Variants in CACNA2D3 observed in about 807,000 individuals in gnomAD.
CACNA2D3 encodes the protein voltage-dependent calcium channel subunit alpha-2/delta-3.
In CACNA2D3, 60 loss-of-function variants were observed where a neutral mutation model predicts 160.6. That is an observed-to-expected ratio of 0.37 (90% confidence interval 0.30 to 0.46). The LOEUF is 0.46. CACNA2D3 is among the 20% of genes least tolerant of loss of function. The pLI, the probability that CACNA2D3 is intolerant of heterozygous loss-of-function variation, is 1.00. For missense variants in CACNA2D3, 1,205 were observed against 1,365.0 expected, an observed-to-expected ratio of 0.88 and a Z score of 1.85; for synonymous variants, 558 against 492.9, an observed-to-expected ratio of 1.13 and a Z score of -1.75.
intron 35 of CACNA2D3, among the ~76,000 whole-genome samples, chr3:55,054,015 T>G (rs1381903423): frequency 6.6e-6 from 1 of 151,792 alleles, no homozygotes; most frequent in East Asian, 1.9e-4. Flanking sequence ...TATGATTCCA[T>G]TTTTTTCCTG....
At chr3:54,831,086 T>C (rs1032847344) in intron 14 of CACNA2D3, among the ~76,000 whole-genome samples, 2 of 152,216 alleles carry the variant, frequency 1.3e-5, no homozygotes, top group Admixed American at 1.3e-4. Flanking sequence ...GAGCAAAATA[T>C]AGAAGAAATA....
intron 17 of CACNA2D3, among the ~76,000 whole-genome samples, chr3:54,860,674 G>A (rs575029178): frequency 3.3e-5 from 5 of 152,056 alleles, no homozygotes; most frequent in African/African-American, 4.8e-5. Flanking sequence ...CCCTTCCTGC[G>A]TCCTCAGGAT....
intron 2 of CACNA2D3, among the ~76,000 whole-genome samples, chr3:54,215,259 A>C (rs1156531780): frequency 6.6e-6 from 1 of 152,230 alleles, no homozygotes; most frequent in East Asian, 1.9e-4. Flanking sequence ...GTTTTGATTA[A>C]TCTGTGTCTA....
chr3:54,262,720 G>A (rs552078054), intron 2 of CACNA2D3, among the ~76,000 whole-genome samples: 78 of 152,254 alleles, frequency 5.1e-4, no homozygotes, highest in Non-Finnish European at 9.3e-4. Context: ...GATGGTTCCT[G>A]GCCAAGCGGA....
chr3:54,769,224 G>A (rs1416646782), intron 13 of CACNA2D3, among the ~76,000 whole-genome samples: 1 of 152,072 alleles, frequency 6.6e-6, no homozygotes, highest in Admixed American at 6.6e-5. Context: ...GATCAAGGGG[G>A]AGATGAGCAG....
intron 21 of CACNA2D3, among the ~76,000 whole-genome samples, chr3:54,881,614 C>T (rs924062074): frequency 1.3e-5 from 2 of 152,182 alleles, no homozygotes; most frequent in Non-Finnish European, 2.9e-5. Context: ...GACATTGTTT[C>T]TGAAGGGCAC....
intron 13 of CACNA2D3, among the ~76,000 whole-genome samples, chr3:54,807,450 A>G (rs1357580154): frequency 6.6e-6 from 1 of 152,236 alleles, no homozygotes; most frequent in Non-Finnish European, 1.5e-5. Context: ...AAACACATGA[A>G]AAAATGCTCA....
intron 27 of CACNA2D3, among the ~76,000 whole-genome samples, chr3:54,958,039 C>T (rs940473229): frequency 3.3e-5 from 5 of 152,204 alleles, no homozygotes; most frequent in African/African-American, 4.8e-5. Context: ...TCAACCACCC[C>T]GTGTGTGTTC....
chr3:54,891,315 G>C (rs1013767699), intron 24 of CACNA2D3, 40 bp from the exon 25 acceptor site: 5 of 1,399,636 alleles, frequency 3.6e-6, no homozygotes, highest in South Asian at 2.3e-5. Flanking sequence ...TCTGCTTACT[G>C]TCTAGAGGCC....
intron 5 of CACNA2D3, among the ~76,000 whole-genome samples, chr3:54,548,809 C>G (rs933064237): frequency 1.3e-4 from 20 of 152,332 alleles, no homozygotes; most frequent in Admixed American, 1.1e-3. Flanking sequence ...CTCCTCAAGG[C>G]CGACTTCAAA....
chr3:54,733,608 A>G (rs1701436293), intron 11 of CACNA2D3, among the ~76,000 whole-genome samples: 1 of 152,224 alleles, frequency 6.6e-6, no homozygotes. Flanking sequence ...ATTTACAGAG[A>G]GAAATCAGGT....
chr3:54,631,622 G>C (rs1029548456), intron 10 of CACNA2D3, among the ~76,000 whole-genome samples: 1 of 152,212 alleles, frequency 6.6e-6, no homozygotes, highest in Non-Finnish European at 1.5e-5. Flanking sequence ...ATTGAATGGA[G>C]TTTATTCTGT....
chr3:54,637,394 G>A lies in CACNA2D3; in HGVS notation c.1054-4734G>A, dbSNP rs146062286. 1.7e-4 allele frequency among the ~76,000 whole-genome samples: 26 copies of A among 151,890 alleles called. 1 individual carries two copies. Among genetic ancestry groups the A allele is most frequent in the African/African-American group, 5.8e-4 (24 of 41,268 alleles). On this transcript the variant is annotated intron_variant, in intron 10 of 37. Transcript: ENST00000474759. The stretch of plus-strand genomic sequence containing the variant: ...AGGCTTTTGATTGGGAAGAAGGGCG[G>A]CAATGAGATATAGCTGTAGTCCAGG...
rs145530272 is a variant in CACNA2D3 at position 54,346,030 on chromosome 3, G to A, written c.321+25472G>A. ...TGAGTGGACCTTTGGTGGAGGCTGG[G>A]GGTAAGGGAGGAGGGTTGAAAAACA... On this transcript the variant is annotated intron_variant, in intron 3 of 37. Transcript: ENST00000474759. 1.5e-3 allele frequency among the ~76,000 whole-genome samples: 197 copies of A among 132,190 alleles called. 1 individual carries two copies. The highest frequency in any genetic ancestry group is 5.6e-3 in the African/African-American group (185 of 33,212). The allele number at this position is 132,190 out of a possible 152,430, so 86.7% of individuals were successfully genotyped here.
chr3:54,897,044 G>A (rs1700206808), intron 26 of CACNA2D3, 174 bp downstream of exon 26: 2 of 632,104 alleles, frequency 3.2e-6, no homozygotes, highest in South Asian at 2.7e-5. Context: ...AAGAGTAATA[G>A]CCTCAAAGAA....
At chr3:54,619,364 G>C (rs959511401) in intron 9 of CACNA2D3, among the ~76,000 whole-genome samples, 2 of 152,198 alleles carry the variant, frequency 1.3e-5, no homozygotes, top group African/African-American at 4.8e-5. Context: ...CAATTGTAGA[G>C]AATCACCAAT....
chr3:54,932,982 G>A (rs1209391056), intron 27 of CACNA2D3, among the ~76,000 whole-genome samples: 2 of 152,092 alleles, frequency 1.3e-5, no homozygotes, highest in Admixed American at 1.3e-4. Context: ...TGACCAAACG[G>A]CACCCAGGTA....
chr3:54,762,612 A>G (rs764491403), intron 12 of CACNA2D3, among the ~76,000 whole-genome samples: 2 of 152,204 alleles, frequency 1.3e-5, no homozygotes, highest in Non-Finnish European at 2.9e-5. Flanking sequence ...GGCTCCCTCC[A>G]AGGGATCCAG....
intron 2 of CACNA2D3, among the ~76,000 whole-genome samples, chr3:54,171,805 T>C (rs1700576210): frequency 6.6e-6 from 1 of 152,192 alleles, no homozygotes; most frequent in Non-Finnish European, 1.5e-5. Flanking sequence ...GAGGCTGAAC[T>C]TCTTGGTCCC....
Sources: gnomAD v4.1 joint callset for allele counts (sites outside exome capture counted in the v4.1 genomes callset) on GRCh38, gnomAD v4.1.1 for gene constraint, MANE v1.5 for transcripts, NCBI Gene and HGNC (gene_info 2026-07-23, HGNC 2026-07-21) for gene names.